Variants in SPRY3 observed in about 807,000 individuals in gnomAD.
SPRY3 encodes protein sprouty homolog 3.
Under a neutral mutation model 20.2 loss-of-function variants are expected in SPRY3, and 15 were observed. The observed-to-expected ratio is 0.74, with a 90% CI of 0.50 to 1.14. The LOEUF is 1.14. Ranked by LOEUF, SPRY3 falls within the 50% of genes most tolerant of loss-of-function variation. SPRY3 has a pLI of 0.00. For missense variants in SPRY3, 364 were observed against 363.9 expected (o/e 1.00, Z 0.00); for synonymous variants, 143 against 136.5 (o/e 1.05, Z -0.33).
At chrX:155,626,164 A>G (rs1458282831) in intron 1 of SPRY3, among the ~76,000 whole-genome samples, 1 of 111,693 alleles carries the variant, frequency 9.0e-6, no homozygotes, top group Non-Finnish European at 1.9e-5. Flanking sequence ...CTTACTGGCA[A>G]CGTATGAGGT....
rs138563798 is a variant in SPRY3 at position 155,705,961 on chromosome X, G to A, written c.-282+48936G>A. ...CAATTCTGTCAACAGCTAGTAGAAC[G>A]AATAAACAGAAAATTAACAAGGATA... On this transcript the variant is annotated intron_variant, in intron 2 of 3. Transcript: ENST00000675360. 6.8e-3 allele frequency among the ~76,000 whole-genome samples: 1,030 copies of A among 151,240 alleles called. 13 individuals carry two copies. Among genetic ancestry groups the A allele is most frequent in the African/African-American group, 0.023 (952 of 41,422 alleles).
intron 2 of SPRY3, among the ~76,000 whole-genome samples, chrX:155,704,895 A>T (rs2090939251): frequency 6.6e-6 from 1 of 151,590 alleles, no homozygotes; most frequent in African/African-American, 2.4e-5. Flanking sequence ...TTGTCAACCC[A>T]GGATTCTATA....
At chrX:155,721,994 A>G (rs2091062220) in intron 2 of SPRY3, among the ~76,000 whole-genome samples, 1 of 152,066 alleles carries the variant, frequency 6.6e-6, no homozygotes, top group Admixed American at 6.6e-5. Flanking sequence ...AAAAACAATA[A>G]CTACAACAAC....
downstream of SPRY3, chrX:155,780,945 C>G (rs1361258316): frequency 6.0e-6 from 1 of 165,822 alleles, no homozygotes; most frequent in Non-Finnish European, 1.5e-5. Context: ...ACACCATTTA[C>G]TAACTACTTG....
At chrX:155,725,047 G>A (rs112115453) in intron 2 of SPRY3, among the ~76,000 whole-genome samples, 10 of 152,158 alleles carry the variant, frequency 6.6e-5, no homozygotes, top group South Asian at 2.1e-4. Flanking sequence ...GAATTTTGTC[G>A]AAGGACTTTT....
chrX:155,736,790 G>T (rs2091172882), intron 2 of SPRY3, among the ~76,000 whole-genome samples: 1 of 151,764 alleles, frequency 6.6e-6, no homozygotes, highest in African/African-American at 2.4e-5. Context: ...TATTTATTTT[G>T]TTTCTTTCTC....
intron 2 of SPRY3, among the ~76,000 whole-genome samples, chrX:155,758,561 A>G (rs905180952): frequency 6.6e-6 from 1 of 152,146 alleles, no homozygotes; most frequent in Non-Finnish European, 1.5e-5. Context: ...TCAGCTTTTT[A>G]TCTGGCACTT....
intron 2 of SPRY3, among the ~76,000 whole-genome samples, chrX:155,724,300 AT>A (rs2052992783): frequency 6.6e-6 from 1 of 152,022 alleles, no homozygotes; most frequent in Non-Finnish European, 1.5e-5. Context: ...ACTTTAAAGT[AT>A]TTTTTTCCAA....
At chrX:155,639,832 A>AAG (rs2067935391) in intron 1 of SPRY3, among the ~76,000 whole-genome samples, 1 of 112,280 alleles carries the variant, frequency 8.9e-6, no homozygotes, top group East Asian at 2.8e-4. Context: ...TCCCACTAAC[A>AAG]GTATACAAGG....
chrX:155,751,411 C>G (rs2091261462), intron 2 of SPRY3, among the ~76,000 whole-genome samples: 2 of 151,808 alleles, frequency 1.3e-5, no homozygotes, highest in African/African-American at 4.8e-5. Context: ...TCTGCCATCC[C>G]CCAAAGTCAA....
chrX:155,771,120 G>T, intron 3 of SPRY3, among the ~76,000 whole-genome samples: 1 of 152,042 alleles, frequency 6.6e-6, no homozygotes, highest in East Asian at 1.9e-4. Flanking sequence ...CTGAAATAAT[G>T]CCCACAGCTT....
intron 2 of SPRY3, among the ~76,000 whole-genome samples, chrX:155,747,939 C>T (rs907740872): frequency 6.6e-6 from 1 of 151,848 alleles, no homozygotes; most frequent in African/African-American, 2.4e-5. Flanking sequence ...TGTCTAAATA[C>T]TTACCATTTG....
At chrX:155,769,906 G>A (rs998451752) in intron 3 of SPRY3, among the ~76,000 whole-genome samples, 1 of 152,152 alleles carries the variant, frequency 6.6e-6, no homozygotes, top group Non-Finnish European at 1.5e-5. Context: ...TGTAAGGGGG[G>A]AGTGCTTTGA....
At chrX:155,736,219 G>A (rs2091168354) in intron 2 of SPRY3, among the ~76,000 whole-genome samples, 1 of 151,840 alleles carries the variant, frequency 6.6e-6, no homozygotes, top group Admixed American at 6.6e-5. Flanking sequence ...TTAGGCCACT[G>A]AAACATAAGA....
intron 2 of SPRY3, among the ~76,000 whole-genome samples, chrX:155,688,037 TC>T (rs2068092590): frequency 1.3e-5 from 1 of 79,453 alleles, no homozygotes; most frequent in African/African-American, 4.6e-5. Context: ...ATGCTCTCCC[TC>T]CCCCCACCCC....
At position 155,774,740 on chromosome X, in the gene SPRY3, CT is replaced by C. The variant is rs770803576; in HGVS notation, c.*4del. 81 of 1,606,384 alleles carry C rather than the reference CT, an allele frequency of 5.0e-5. No individual in the cohort carries two copies. In the East Asian group the frequency reaches 1.8e-3, roughly 35 times the overall value. ...AAGGCCCAGGAAAAGTCTGTATGACCTTCCAACAAGGTGGATCCAGAGCTTT... is the reference window on the plus strand; with the variant it reads ...AAGGCCCAGGAAAAGTCTGTATGACCTCCAACAAGGTGGATCCAGAGCTTT... On this transcript the variant is annotated 3_prime_UTR_variant, in exon 4 of 4. Coordinates refer to ENST00000675360, the Ensembl canonical transcript of SPRY3.
At chrX:155,764,876 T>C (rs2065863483) in intron 2 of SPRY3, among the ~76,000 whole-genome samples, 2 of 152,184 alleles carry the variant, frequency 1.3e-5, no homozygotes, top group Admixed American at 1.3e-4. Flanking sequence ...TACCTTTGAC[T>C]AGATAACTTA....
chrX:155,716,217 G>A (rs1289030973), intron 2 of SPRY3, among the ~76,000 whole-genome samples: 1 of 151,898 alleles, frequency 6.6e-6, no homozygotes, highest in African/African-American at 2.4e-5. Flanking sequence ...CTGTCTTTAG[G>A]TTCACTGATT....
At chrX:155,656,111 T>G (rs1569562511) in intron 1 of SPRY3, among the ~76,000 whole-genome samples, 2 of 111,237 alleles carry the variant, frequency 1.8e-5, no homozygotes, top group Non-Finnish European at 3.8e-5. Flanking sequence ...CTTAGTGGTG[T>G]TCTCTGTATT....
Sources: allele counts gnomAD v4.1 joint callset (sites outside exome capture counted in the v4.1 genomes callset), GRCh38; gene constraint gnomAD v4.1.1; transcripts MANE v1.5; gene names NCBI Gene and HGNC (gene_info 2026-07-23, HGNC 2026-07-21).